The following HDHD5 variants were observed in gnomAD, a reference collection of about 807,000 sequenced individuals.
HDHD5 encodes haloacid dehalogenase like hydrolase domain containing 5, also known as haloacid dehalogenase-like hydrolase domain-containing 5.
HDHD5 carries 34 observed loss-of-function variants against 35.5 expected under a neutral mutation model. The observed-to-expected ratio is 0.96, with a 90% CI of 0.73 to 1.28. The LOEUF is 1.28. Ranked by LOEUF, HDHD5 falls within the 50% of genes most tolerant of loss-of-function variation. The probability of loss-of-function intolerance (pLI) is 0.00; values close to 1 mark genes in which losing one functional copy is unlikely to be tolerated. For synonymous variants in HDHD5, 248 were observed against 240.6 expected (o/e 1.03, Z -0.29); for missense variants, 589 against 560.2 (o/e 1.05, Z -0.52).
intron 1 of HDHD5, among the ~76,000 whole-genome samples, chr22:17,164,934 A>T (rs1179818223): frequency 3.3e-5 from 5 of 152,202 alleles, no homozygotes; most frequent in African/African-American, 1.2e-4. Flanking sequence ...GATGGCCAAC[A>T]GGCCACAGAG....
intron 1 of HDHD5, among the ~76,000 whole-genome samples, chr22:17,150,941 C>T (rs2061718846): frequency 6.6e-6 from 1 of 152,180 alleles, no homozygotes; most frequent in African/African-American, 2.4e-5. Flanking sequence ...GGTTTTTCCA[C>T]AATTTTGCTA....
At chr22:17,141,273 A>T (rs753625748) in intron 5 of HDHD5, 40 bp from the exon 6 acceptor site, 1 of 1,554,148 alleles carries the variant, frequency 6.4e-7, no homozygotes, top group South Asian at 1.2e-5. Context: ...TGCAGGGCAG[A>T]TGGCAGGCGG....
At chr22:17,161,825 C>G (rs758815641), upstream of HDHD5, among the ~76,000 whole-genome samples, 1 of 150,316 alleles carries the variant, frequency 6.7e-6, no homozygotes, top group Non-Finnish European at 1.5e-5. Flanking sequence ...TTGCAGTGAG[C>G]CAAGATTGTG....
chr22:17,159,389 G>A, upstream of HDHD5: 1 of 1,037,960 alleles, frequency 9.6e-7, no homozygotes, highest in Non-Finnish European at 1.3e-6. Context: ...CCCGTCGGGC[G>A]CCTATGGAAC....
chr22:17,164,012 G>C (rs2123888229), upstream of HDHD5, among the ~76,000 whole-genome samples: 1 of 152,298 alleles, frequency 6.6e-6, no homozygotes, highest in East Asian at 1.9e-4. Context: ...CCTGAGGTCA[G>C]GAGTTCGAGA....
chr22:17,156,779 CAA>C (rs60997541), intron 1 of HDHD5, among the ~76,000 whole-genome samples: 12 of 92,200 alleles, frequency 1.3e-4, no homozygotes, highest in Middle Eastern at 6.3e-3. Context: ...GACTCCGTCT[CAA>C]AAAAAAAAAA....
chr22:17,147,383 G>T (rs5748908), intron 3 of HDHD5, among the ~76,000 whole-genome samples: 4 of 57,174 alleles, frequency 7.0e-5, no homozygotes, highest in East Asian at 1.1e-3. Context: ...ACCGGCCTTC[G>T]ATCACATGCC....
chr22:17,143,001 C>T (rs1431621296), intron 5 of HDHD5, 97 bp downstream of exon 5: 3 of 1,392,104 alleles, frequency 2.2e-6, no homozygotes, highest in African/African-American at 2.9e-5. Context: ...CCCCTTGCTG[C>T]TGAACCAGGC....
chr22:17,137,658 GCAA>G lies in HDHD5; in HGVS notation c.*360_*362del. ...GACAGGCTGCATGCCTTCAGTGCCGGCAAAGGCTCTGCACAGACATCCACAGTA... is the reference window on the plus strand; with the variant it reads ...GACAGGCTGCATGCCTTCAGTGCCGGAGGCTCTGCACAGACATCCACAGTA... On this transcript the variant is annotated 3_prime_UTR_variant, in exon 8 of 8. Transcript: ENST00000336737. 2 of 209,594 alleles carry G rather than the reference GCAA, an allele frequency of 9.5e-6. No individual in the cohort carries two copies. The highest frequency in any genetic ancestry group is 5.3e-5 in the Admixed American group (1 of 18,698). 13.0% of individuals were successfully genotyped at this position (209,594 alleles called of 1,614,324 possible).
At chr22:17,155,576 T>C (rs1036628828) in intron 1 of HDHD5, among the ~76,000 whole-genome samples, 6 of 152,014 alleles carry the variant, frequency 3.9e-5, no homozygotes, top group Non-Finnish European at 8.8e-5. Flanking sequence ...TAAGAATCCA[T>C]AGCCCCTGCT....
chr22:17,159,883 A>G, upstream of HDHD5: 1 of 224,136 alleles, frequency 4.5e-6, no homozygotes, highest in South Asian at 4.3e-5. Context: ...TAAGTCAGCA[A>G]ACACTTAGGG....
chr22:17,143,931 G>A (rs1487951668), intron 4 of HDHD5, among the ~76,000 whole-genome samples: 5 of 152,246 alleles, frequency 3.3e-5, no homozygotes, highest in Admixed American at 3.3e-4. Context: ...CAGTCATGCT[G>A]CAGAGGATCA....
At chr22:17,139,697 C>T (rs1461203917) in intron 6 of HDHD5, among the ~76,000 whole-genome samples, 3 of 152,000 alleles carry the variant, frequency 2.0e-5, no homozygotes, top group East Asian at 3.9e-4. Context: ...CCTCAGCCTC[C>T]GAGTAGCTGG....
chr22:17,156,111 G>C (rs1372763469), intron 1 of HDHD5, among the ~76,000 whole-genome samples: 1 of 151,886 alleles, frequency 6.6e-6, no homozygotes, highest in Non-Finnish European at 1.5e-5. Flanking sequence ...CACCTCAAGA[G>C]CCTCAGAGAG....
chr22:17,140,584 C>A (rs1349626508), intron 6 of HDHD5, among the ~76,000 whole-genome samples: 1 of 151,934 alleles, frequency 6.6e-6, no homozygotes, highest in African/African-American at 2.4e-5. Flanking sequence ...GACACTGTCC[C>A]CGCAAAAAAA....
chr22:17,144,436 C>T (rs1448563783), intron 4 of HDHD5, among the ~76,000 whole-genome samples: 2 of 139,206 alleles, frequency 1.4e-5, no homozygotes, highest in African/African-American at 2.7e-5. Flanking sequence ...TTTTTTGAGA[C>T]GGAGTCTCGC....
intron 1 of HDHD5, among the ~76,000 whole-genome samples, chr22:17,157,744 A>G (rs1209938126): frequency 6.6e-6 from 1 of 152,196 alleles, no homozygotes; most frequent in Non-Finnish European, 1.5e-5. Context: ...CAAGTCACTC[A>G]GCTGCTTTGA....
At chr22:17,158,265 G>GA (rs1260594063) in intron 1 of HDHD5, among the ~76,000 whole-genome samples, 1 of 151,958 alleles carries the variant, frequency 6.6e-6, no homozygotes, top group Non-Finnish European at 1.5e-5. Context: ...AGGTTGCAGT[G>GA]AGCAGAGATT....
chr22:17,139,218 A>C (rs1376824311), intron 6 of HDHD5, among the ~76,000 whole-genome samples: 1 of 152,218 alleles, frequency 6.6e-6, no homozygotes, highest in African/African-American at 2.4e-5. Context: ...TAAATTTTCA[A>C]TAAGCATCCT....
Sources: gnomAD v4.1 joint callset for allele counts (sites outside exome capture counted in the v4.1 genomes callset) on GRCh38, gnomAD v4.1.1 for gene constraint, MANE v1.5 for transcripts, NCBI Gene and HGNC (gene_info 2026-07-23, HGNC 2026-07-21) for gene names.